CATSPERD: variants seen among roughly 807,000 people sequenced by gnomAD.
CATSPERD encodes catsper channel auxiliary subunit delta.
Under a neutral mutation model 98.1 loss-of-function variants are expected in CATSPERD, and 86 were observed. The ratio of observed to expected loss-of-function variants is 0.88; its 90% CI spans 0.74 to 1.05. The LOEUF (loss-of-function observed/expected upper bound fraction) is 1.05, where lower values mean the gene tolerates loss of function less well. Among genes scored for constraint, CATSPERD ranks in the 50% least tolerant of loss-of-function variants. The pLI is 0.00. For synonymous variants in CATSPERD, 394 were observed against 390.2 expected (o/e 1.01, Z -0.12); for missense variants, 995 against 1,005.7 (o/e 0.99, Z 0.14).
intron 1 of CATSPERD, among the ~76,000 whole-genome samples, chr19:5,723,458 ATTT>A (rs773822808): frequency 0.044 from 4,004 of 90,790 alleles, 43 homozygotes; most frequent in African/African-American, 0.067. Context: ...TGCCCAGCTA[ATTT>A]TTTTTTTTTT....
At chr19:5,768,826 C>T (rs1334265575) in intron 18 of CATSPERD, among the ~76,000 whole-genome samples, 3 of 151,720 alleles carry the variant, frequency 2.0e-5, no homozygotes, top group African/African-American at 7.3e-5. Flanking sequence ...GGGCCTCAGT[C>T]AATTTGTGCT....
chr19:5,762,058 A>ATATATGTATTATTTTTTTTT, intron 15 of CATSPERD, among the ~76,000 whole-genome samples: 1 of 10,442 alleles, frequency 9.6e-5, no homozygotes, highest in Non-Finnish European at 1.8e-4. Flanking sequence ...ATATATATAT[A>ATATATGTATTATTTTTTTTT]TTTTTTTTTT....
chr19:5,741,224 C>T (rs376842892), intron 7 of CATSPERD, among the ~76,000 whole-genome samples: 2 of 152,142 alleles, frequency 1.3e-5, no homozygotes, highest in South Asian at 2.1e-4. Context: ...AAAACTGTAG[C>T]GGGTTGAACC....
intron 4 of CATSPERD, among the ~76,000 whole-genome samples, chr19:5,731,624 G>A (rs911890491): frequency 2.5e-5 from 3 of 121,486 alleles, no homozygotes; most frequent in South Asian, 2.9e-4. Context: ...GCCGGACTGC[G>A]GACTGCAGTG....
chr19:5,773,550 G>T (rs1366512424), intron 20 of CATSPERD, among the ~76,000 whole-genome samples: 5 of 152,044 alleles, frequency 3.3e-5, no homozygotes, highest in African/African-American at 9.7e-5. Flanking sequence ...TTTAGGCAGG[G>T]TCTCACTCTG....
At chr19:5,742,805 A>G (rs1032518163) in intron 7 of CATSPERD, among the ~76,000 whole-genome samples, 5 of 150,678 alleles carry the variant, frequency 3.3e-5, no homozygotes, top group African/African-American at 1.2e-4. Context: ...AGAAAAAGAA[A>G]AGAAACTGGT....
In CATSPERD at chr19:5,761,441, A is replaced by ATGGATGGATGGC. The variant is rs551235772; in HGVS notation, c.1428-1771_1428-1770insATGGATGGCTGG. On this transcript the variant is annotated intron_variant, in intron 15 of 21. Coordinates refer to ENST00000381624, the MANE Select transcript of CATSPERD (RefSeq NM_152784.4). ...AATGGATGGATGGATGGATGGATGG[A>ATGGATGGATGGC]TGGCTGGCTGGCTGCCTGGCTGGCT... 4.1e-3 allele frequency among the ~76,000 whole-genome samples: 617 copies of ATGGATGGATGGC among 151,682 alleles called. 10 individuals carry two copies. Among genetic ancestry groups the ATGGATGGATGGC allele is most frequent in the African/African-American group, 0.015 (600 of 40,988 alleles).
At chr19:5,753,089 G>C (rs2056251873) in intron 12 of CATSPERD, among the ~76,000 whole-genome samples, 1 of 151,556 alleles carries the variant, frequency 6.6e-6, no homozygotes, top group Non-Finnish European at 1.5e-5. Flanking sequence ...GTCCAGGTTG[G>C]TCTCAAACCC....
At position 5,751,706 on chromosome 19, in the gene CATSPERD, T is replaced by A. The variant is rs1304159881; in HGVS notation, c.1047T>A (p.Thr349=). ...CCCTGATGTTCAGGAGCCCAGGGAC[T>A]CTGGAAATACTGACCCCACTGCGTG... ...DVALMFRSPG[T]LEILTPLRDT... is the part of the protein sequence containing the mutation. The change falls in exon 12 of 22, where the codon ACT becomes ACA. Residue 349 remains threonine, a synonymous_variant. Transcript: ENST00000381624. 2 of 1,613,820 alleles carry A rather than the reference T, an allele frequency of 1.2e-6. No individual in the cohort carries two copies. The highest frequency in any genetic ancestry group is 1.7e-6 in the Non-Finnish European group (2 of 1,179,868).
rs150249961 is a variant in CATSPERD at position 5,765,179 on chromosome 19, G to C, written c.1507-924G>C. 1.1e-3 allele frequency among the ~76,000 whole-genome samples: 169 copies of C among 152,280 alleles called. 4 individuals are homozygous for C. The highest frequency in any genetic ancestry group is 3.8e-3 in the African/African-American group (157 of 41,564). ...CTGGCTCAGCCTCTCAAAGTGCTGG[G>C]ATTAAAGGCGTGAGCCACTGCGCCT... On this transcript the variant is annotated intron_variant, in intron 16 of 21. Transcript: ENST00000381624.
At chr19:5,775,205 G>T (rs1475746393) in intron 20 of CATSPERD, 3 of 470,136 alleles carry the variant, frequency 6.4e-6, no homozygotes, top group Non-Finnish European at 1.3e-5. Flanking sequence ...GAAGGAAGGG[G>T]GAACGAATGT....
intron 2 of CATSPERD, among the ~76,000 whole-genome samples, chr19:5,726,774 G>A (rs891575017): frequency 1.6e-4 from 25 of 152,152 alleles, no homozygotes; most frequent in Admixed American, 1.6e-3. Context: ...AAGCCCTTCT[G>A]CCAGCTTCCC....
chr19:5,770,954 G>T lies in CATSPERD; in HGVS notation c.1645G>T (p.Asp549Tyr). The change falls in exon 19 of 22, where the codon GAC (aspartate) becomes TAC (tyrosine). Residue 549 changes from aspartate (D) to tyrosine (Y), a missense_variant. Physicochemically the swap from Asp to Tyr is radical, Grantham distance 160 (BLOSUM62 -3). Transcript: ENST00000381624. ...YSFIIEKEFY[D>Y]PGFQGQQSSE... ...CTTGGTGTCTTGAAGGGAATTCTACGACCCCGGCTTCCAGGGGCAGCAGTC... is the reference window on the plus strand; with the variant it reads ...CTTGGTGTCTTGAAGGGAATTCTACTACCCCGGCTTCCAGGGGCAGCAGTC... 1 of 1,608,590 alleles carries T rather than the reference G, an allele frequency of 6.2e-7. No homozygotes were observed. Among genetic ancestry groups the T allele is most frequent in the Non-Finnish European group, 8.5e-7 (1 of 1,177,786 alleles).
At chr19:5,754,345 A>G in intron 13 of CATSPERD, 100 bp downstream of exon 13, 3 of 664,970 alleles carry the variant, frequency 4.5e-6, no homozygotes, top group Non-Finnish European at 8.3e-6. Flanking sequence ...CCACAAGGAG[A>G]GACGCTACTC....
chr19:5,762,052 ATATATATTTTT>A (rs1280289864), intron 15 of CATSPERD, among the ~76,000 whole-genome samples: 8 of 17,278 alleles, frequency 4.6e-4, no homozygotes, highest in Non-Finnish European at 9.9e-4. Flanking sequence ...ATATATATAT[ATATATATTTTT>A]TTTTTTTTTT....
chr19:5,759,017 A>C (rs1021399610), intron 14 of CATSPERD, 69 bp from the exon 15 acceptor site: 1 of 1,427,536 alleles, frequency 7.0e-7, no homozygotes, highest in African/African-American at 1.4e-5. Flanking sequence ...ATCTCTCCCA[A>C]TGTCCTGAGT....
At chr19:5,762,058 A>ATATATATATATTTTTT in intron 15 of CATSPERD, among the ~76,000 whole-genome samples, 5 of 10,432 alleles carry the variant, frequency 4.8e-4, no homozygotes, top group Non-Finnish European at 5.4e-4. Context: ...ATATATATAT[A>ATATATATATATTTTTT]TTTTTTTTTT....
intron 15 of CATSPERD, among the ~76,000 whole-genome samples, chr19:5,762,942 T>G (rs1339924805): frequency 1.3e-5 from 2 of 150,192 alleles, no homozygotes; most frequent in Non-Finnish European, 3.0e-5. Flanking sequence ...GATGGATGAA[T>G]AAGTGGATAG....
intron 6 of CATSPERD, among the ~76,000 whole-genome samples, chr19:5,737,636 G>T (rs2055874669): frequency 6.6e-6 from 1 of 150,832 alleles, no homozygotes; most frequent in African/African-American, 2.4e-5. Flanking sequence ...ATCACCTGAG[G>T]CCAGGAGCTC....
Sources: allele counts gnomAD v4.1 joint callset (sites outside exome capture counted in the v4.1 genomes callset), GRCh38; gene constraint gnomAD v4.1.1; transcripts MANE v1.5; gene names NCBI Gene and HGNC (gene_info 2026-07-23, HGNC 2026-07-21).